FER: variants seen among roughly 807,000 people sequenced by gnomAD.
FER encodes FER tyrosine kinase, also known as tyrosine-protein kinase Fer.
Under a neutral mutation model 111.0 loss-of-function variants are expected in FER, and 63 were observed. The observed-to-expected ratio is 0.57, with a 90% CI of 0.46 to 0.70. The LOEUF (loss-of-function observed/expected upper bound fraction) is 0.70, where lower values mean the gene tolerates loss of function less well. Among genes scored for constraint, FER ranks in the 30% least tolerant of loss-of-function variants. The probability of loss-of-function intolerance (pLI) is 0.00; values close to 1 mark genes in which losing one functional copy is unlikely to be tolerated. For missense variants in FER, 914 were observed against 954.0 expected, an observed-to-expected ratio of 0.96 and a Z score of 0.55; for synonymous variants, 327 against 313.9, an observed-to-expected ratio of 1.04 and a Z score of -0.44.
intron 1 of FER, among the ~76,000 whole-genome samples, chr5:108,762,463 C>A (rs1348593451): frequency 6.6e-6 from 1 of 152,202 alleles, no homozygotes; most frequent in Non-Finnish European, 1.5e-5. Context: ...CCTAAAAAGT[C>A]TCCCCACTAC....
intron 16 of FER, among the ~76,000 whole-genome samples, chr5:109,057,148 T>C (rs1433559730): frequency 2.0e-5 from 3 of 152,194 alleles, no homozygotes; most frequent in Admixed American, 6.5e-5. Flanking sequence ...TCTTCATCTT[T>C]TGTCAGATTT....
chr5:109,009,391 AAT>A (rs963172795), intron 13 of FER, among the ~76,000 whole-genome samples: 3 of 152,040 alleles, frequency 2.0e-5, no homozygotes, highest in African/African-American at 7.2e-5. Flanking sequence ...TTATAAGCAT[AAT>A]ATATCTTACT....
At chr5:109,058,003 C>T (rs1372976560) in intron 16 of FER, among the ~76,000 whole-genome samples, 1 of 152,084 alleles carries the variant, frequency 6.6e-6, no homozygotes. Context: ...GCAAATTTAA[C>T]AATATATAAG....
chr5:108,932,222 C>T (rs1056120146), intron 10 of FER, among the ~76,000 whole-genome samples: 9 of 152,100 alleles, frequency 5.9e-5, no homozygotes, highest in Non-Finnish European at 1.0e-4. Context: ...CTCCCTGTGT[C>T]CATGTGTTCT....
chr5:109,083,752 G>A (rs901984606), intron 16 of FER, among the ~76,000 whole-genome samples: 2 of 151,908 alleles, frequency 1.3e-5, no homozygotes, highest in African/African-American at 4.8e-5. Context: ...ATGAAATAAT[G>A]CCTCCCTGTA....
intron 11 of FER, among the ~76,000 whole-genome samples, chr5:108,952,948 G>T (rs1757962884): frequency 6.6e-6 from 1 of 151,950 alleles, no homozygotes; most frequent in African/African-American, 2.4e-5. Flanking sequence ...AAAGTCCTTT[G>T]TAAAGATGTT....
At chr5:108,803,203 ATTTG>A (rs146761876) in intron 3 of FER, among the ~76,000 whole-genome samples, 2,574 of 151,224 alleles carry the variant, frequency 0.017, 75 homozygotes, top group African/African-American at 0.06. Flanking sequence ...TTTCTTGATG[ATTTG>A]TTTAAGTTCT....
In FER at chr5:108,883,518, A is replaced by G; in HGVS notation, c.1046A>G (p.Asp349Gly). Residue 349 changes from aspartate (D) to glycine (G), a missense_variant and splice_region_variant, in exon 9 of 20, where the codon GAT (aspartate) becomes GGT (glycine). Coordinates refer to ENST00000281092, the MANE Select transcript of FER (RefSeq NM_005246.4). ...TCTGAAACTTGTGAGAAGAAGTCTG[A>G]GTGAGTAAAAGAGAAACAATTTGAA... Reference protein sequence around the residue: ...ESSETCEKKSDIVLLLSQKQA... With the variant: ...ESSETCEKKSGIVLLLSQKQA... The G allele has an allele frequency of 1.3e-6, 2 of 1,584,176 alleles. No individual in the cohort carries two copies. Among genetic ancestry groups the G allele is most frequent in the Non-Finnish European group, 8.6e-7 (1 of 1,166,788 alleles).
chr5:109,060,773 T>TGTATATATATATAA (rs1491148679), intron 16 of FER, among the ~76,000 whole-genome samples: 1 of 45,022 alleles, frequency 2.2e-5, no homozygotes, highest in Non-Finnish European at 6.9e-5. Flanking sequence ...TGTGTGTGTG[T>TGTATATATATATAA]ATATATATAT....
rs1173032321 is a variant in FER, at chr5:109,020,491, C to T, written c.1657-16931C>T. Among the ~76,000 whole-genome samples the T allele has an allele frequency of 2.6e-5, 4 of 151,920 alleles. No homozygotes were observed. The Admixed American group carries it at 2.6e-4, about 10-fold the overall frequency. On this transcript the variant is annotated intron_variant, in intron 13 of 19. Transcript: ENST00000281092. ...AATAAAAAGAAATATTCCTTCAGAT[C>T]ATTAACTTGTAAGATTGAGGAAGAA... is the stretch of plus-strand genomic sequence containing the variant.
intron 16 of FER, among the ~76,000 whole-genome samples, chr5:109,047,458 T>C (rs1432170689): frequency 6.6e-6 from 1 of 152,226 alleles, no homozygotes; most frequent in Non-Finnish European, 1.5e-5. Flanking sequence ...CAGTTATACA[T>C]CTTTATGTGC....
At chr5:108,851,717 G>T (rs1762560366) in intron 5 of FER, among the ~76,000 whole-genome samples, 1 of 152,068 alleles carries the variant, frequency 6.6e-6, no homozygotes, top group South Asian at 2.1e-4. Flanking sequence ...TGAAGTATCA[G>T]AAAAGATGTT....
intron 10 of FER, among the ~76,000 whole-genome samples, 155 bp from the exon 11 acceptor site, chr5:108,945,975 A>G (rs982705868): frequency 6.6e-6 from 1 of 151,978 alleles, no homozygotes; most frequent in South Asian, 2.1e-4. Flanking sequence ...GTTTATGTGT[A>G]TTTGGTTATT....
intron 13 of FER, among the ~76,000 whole-genome samples, chr5:109,030,904 G>T (rs1010065019): frequency 3.3e-5 from 5 of 152,126 alleles, no homozygotes; most frequent in Non-Finnish European, 7.4e-5. Context: ...TTATTTCTCA[G>T]TTGGGAAGTG....
At chr5:109,003,395 T>G (rs996228991) in intron 13 of FER, among the ~76,000 whole-genome samples, 15 of 152,076 alleles carry the variant, frequency 9.9e-5, no homozygotes, top group African/African-American at 3.4e-4. Flanking sequence ...ATGTTCTCAC[T>G]CATAGGTGGG....
chr5:108,776,413 A>C (rs1753496548), intron 2 of FER, among the ~76,000 whole-genome samples: 1 of 152,196 alleles, frequency 6.6e-6, no homozygotes, highest in African/African-American at 2.4e-5. Flanking sequence ...ACAAAAAAGC[A>C]AATATTTAAA....
chr5:109,044,657 A>G lies in FER; in HGVS notation c.1714-23A>G, dbSNP rs1771691013. 2.5e-6 allele frequency: 3 copies of G among 1,215,940 alleles called. No individual in the cohort carries two copies. In the African/African-American group the frequency reaches 4.6e-5, roughly 19 times the overall value. 75.3% of individuals were successfully genotyped at this position (1,215,940 alleles called of 1,614,324 possible). ...ATACATGCTGTCATTTACCCCAGAC[A>G]ATGAATGTATTTCTATTTTCAGGGA... On this transcript the variant is annotated intron_variant, in intron 14 of 19. Coordinates refer to ENST00000281092, the MANE Select transcript of FER (RefSeq NM_005246.4).
intron 17 of FER, among the ~76,000 whole-genome samples, chr5:109,125,278 G>A (rs1005453744): frequency 1.3e-5 from 2 of 151,828 alleles, no homozygotes; most frequent in Non-Finnish European, 2.9e-5. Flanking sequence ...TACATACTAT[G>A]GTGAGTTCCA....
chr5:108,959,886 GA>G (rs1344372473), intron 13 of FER, among the ~76,000 whole-genome samples: 1 of 152,092 alleles, frequency 6.6e-6, no homozygotes, highest in Non-Finnish European at 1.5e-5. Flanking sequence ...ATCTATCACA[GA>G]AAACACTACT....
Sources: gnomAD v4.1 joint callset for allele counts (sites outside exome capture counted in the v4.1 genomes callset) on GRCh38, gnomAD v4.1.1 for gene constraint, MANE v1.5 for transcripts, NCBI Gene and HGNC (gene_info 2026-07-23, HGNC 2026-07-21) for gene names.